Variants in RYR2 observed in about 807,000 individuals in gnomAD.
RYR2 encodes cardiac muscle ryanodine receptor-calcium release channel.
A neutral mutation model predicts 601.1 loss-of-function variants in RYR2; 227 were observed. The observed-to-expected ratio is 0.38, with a 90% CI of 0.34 to 0.42. The LOEUF (loss-of-function observed/expected upper bound fraction) is 0.42, where lower values mean the gene tolerates loss of function less well. Among genes scored for constraint, RYR2 ranks in the 10% least tolerant of loss-of-function variants. The pLI is 1.00. For missense variants in RYR2, 4,646 were observed against 6,156.5 expected, an observed-to-expected ratio of 0.75 and a Z score of 8.21; for synonymous variants, 2,223 against 2,175.1, an observed-to-expected ratio of 1.02 and a Z score of -0.61.
chr1:237,406,662 G>A (rs1703936866), intron 10 of RYR2, among the ~76,000 whole-genome samples: 1 of 151,732 alleles, frequency 6.6e-6, no homozygotes, highest in African/African-American at 2.4e-5. Context: ...TAATATATTT[G>A]TATTACTATA....
intron 1 of RYR2, among the ~76,000 whole-genome samples, chr1:237,083,204 G>T (rs1456407953): frequency 1.3e-5 from 2 of 152,132 alleles, no homozygotes; most frequent in African/African-American, 2.4e-5. Flanking sequence ...TGGCAGTTTG[G>T]TGCATGCTTT....
chr1:237,534,718 A>G (rs1025802856), intron 25 of RYR2, among the ~76,000 whole-genome samples: 1 of 152,006 alleles, frequency 6.6e-6, no homozygotes. Context: ...AAGATAACCC[A>G]TATTTCTTGA....
intron 75 of RYR2, 137 bp downstream of exon 75, chr1:237,726,445 G>A (rs1374117314): frequency 7.8e-6 from 5 of 639,156 alleles, no homozygotes; most frequent in Non-Finnish European, 1.4e-5. Flanking sequence ...TAACTTGCTT[G>A]CATCATTTAT....
chr1:237,832,699 C>T lies in RYR2; in HGVS notation c.*52C>T, dbSNP rs1558507397. On this transcript the variant is annotated 3_prime_UTR_variant, in exon 105 of 105. Transcript: ENST00000366574. The stretch of plus-strand genomic sequence containing the variant: ...CAAAACCCTACCCCTCTCTCTCCCT[C>T]TCTCAATTTCTCTGCTCTCTTGGAA... 1.0e-6 allele frequency: 1 copy of T among 984,886 alleles called. No individual in the cohort carries two copies. The allele number at this position is 984,886 out of a possible 1,614,324, so 61.0% of individuals were successfully genotyped here.
chr1:237,763,628 G>A lies in RYR2; in HGVS notation c.11476+2600G>A, dbSNP rs532099807. 3.4e-4 allele frequency among the ~76,000 whole-genome samples: 52 copies of A among 152,298 alleles called. 1 individual carries two copies. Among genetic ancestry groups the A allele is most frequent in the African/African-American group, 1.2e-3 (50 of 41,548 alleles). Reference sequence around the variant, plus strand: ...GTTTCTGAAAGACATTCTATGCAGTGGAAATAAGGGATGAGATTTTAGATA... The same window carrying A: ...GTTTCTGAAAGACATTCTATGCAGTAGAAATAAGGGATGAGATTTTAGATA... On this transcript the variant is annotated intron_variant, in intron 84 of 104. Transcript: ENST00000366574.
chr1:237,808,767 A>C, intron 99 of RYR2, 134 bp from the exon 100 acceptor site: 1 of 680,082 alleles, frequency 1.5e-6, no homozygotes, highest in Non-Finnish European at 2.5e-6. Flanking sequence ...GGTGAGAAAT[A>C]AGTTATGGAT....
chr1:237,785,214 T>G (rs1488905142), intron 90 of RYR2, among the ~76,000 whole-genome samples: 1 of 152,224 alleles, frequency 6.6e-6, no homozygotes, highest in Admixed American at 6.5e-5. Context: ...GCCTACATCT[T>G]TCTCCACGTT....
At chr1:237,143,020 C>T (rs1400078883) in intron 1 of RYR2, among the ~76,000 whole-genome samples, 1 of 152,152 alleles carries the variant, frequency 6.6e-6, no homozygotes, top group African/African-American at 2.4e-5. Flanking sequence ...AAAGAAGGTT[C>T]AGTAGTTCCT....
chr1:237,495,127 T>C (rs936741995), intron 19 of RYR2, among the ~76,000 whole-genome samples: 7 of 152,178 alleles, frequency 4.6e-5, no homozygotes, highest in African/African-American at 1.7e-4. Flanking sequence ...CATATATACT[T>C]ATTGCATATT....
At chr1:237,787,836 A>T in intron 91 of RYR2, 152 bp from the exon 92 acceptor site, 1 of 727,030 alleles carries the variant, frequency 1.4e-6, no homozygotes, top group East Asian at 2.7e-5. Context: ...CTGATTCTAA[A>T]ATTCAGAATA....
chr1:237,436,454 C>CTTTTTTTTTTTTTTTTT (rs551140501), intron 12 of RYR2, among the ~76,000 whole-genome samples: 748 of 48,680 alleles, frequency 0.015, 85 homozygotes, highest in African/African-American at 0.038. Flanking sequence ...TGTGATTTTC[C>CTTTTTTTTTTTTTTTTT]TTTTTTTTTT....
At chr1:237,349,248 A>G (rs1698553318) in intron 3 of RYR2, among the ~76,000 whole-genome samples, 4 of 152,206 alleles carry the variant, frequency 2.6e-5, no homozygotes, top group Admixed American at 2.6e-4. Flanking sequence ...TAAGACTGAT[A>G]CCTGATGACA....
At chr1:237,579,201 T>G (rs1673603964) in intron 29 of RYR2, among the ~76,000 whole-genome samples, 1 of 151,564 alleles carries the variant, frequency 6.6e-6, no homozygotes, top group South Asian at 2.1e-4. Context: ...TTTCTTTGCC[T>G]TGTGCTCTCT....
intron 58 of RYR2, among the ~76,000 whole-genome samples, chr1:237,670,717 G>A (rs1684852794): frequency 6.6e-6 from 1 of 152,068 alleles, no homozygotes; most frequent in African/African-American, 2.4e-5. Context: ...TATCCAAAAT[G>A]TTTGGAACCA....
In RYR2 at chr1:237,074,675, T is replaced by C. The variant is rs528514411; in HGVS notation, c.48+32106T>C. On this transcript the variant is annotated intron_variant, in intron 1 of 104. Transcript: ENST00000366574. ...TTCCAGTGCCACATCAGGGATGACT[T>C]ATGCAAACCCAAGATGGCCCTTTGG... 2.6e-5 allele frequency among the ~76,000 whole-genome samples: 4 copies of C among 152,336 alleles called. No individual in the cohort carries two copies. In the South Asian group the frequency reaches 8.3e-4, roughly 32 times the overall value.
intron 1 of RYR2, among the ~76,000 whole-genome samples, chr1:237,049,118 G>A (rs1660942173): frequency 1.3e-5 from 2 of 152,052 alleles, no homozygotes; most frequent in Non-Finnish European, 2.9e-5. Context: ...CAGTGGGAGG[G>A]GACACCCGGA....
intron 80 of RYR2, among the ~76,000 whole-genome samples, chr1:237,747,439 C>A (rs1034020521): frequency 6.6e-6 from 1 of 152,116 alleles, no homozygotes; most frequent in Non-Finnish European, 1.5e-5. Context: ...ATTGTCATAC[C>A]TGCTAACATA....
chr1:237,047,431 T>C (rs1052692356), intron 1 of RYR2, among the ~76,000 whole-genome samples: 6 of 148,824 alleles, frequency 4.0e-5, no homozygotes, highest in African/African-American at 1.5e-4. Context: ...TTACTCCTTC[T>C]GGTTTATCTT....
In RYR2 at chr1:237,631,942, G is replaced by C. The variant is rs144141578; in HGVS notation, c.6555+401G>C. On this transcript the variant is annotated intron_variant, in intron 42 of 104. Coordinates refer to ENST00000366574, the MANE Select transcript of RYR2 (RefSeq NM_001035.3). ...GCCACCGCGCCCAGCCCAGATTGTAGATTCTTAATGAGAATTTCTTAAATC... is the reference window on the plus strand; with the variant it reads ...GCCACCGCGCCCAGCCCAGATTGTACATTCTTAATGAGAATTTCTTAAATC... Among the ~76,000 whole-genome samples, 545 of 151,942 alleles carry C rather than the reference G, an allele frequency of 3.6e-3. 4 individuals are homozygous for C. The highest frequency in any genetic ancestry group is 0.013 in the African/African-American group (522 of 41,414).
Sources: allele counts gnomAD v4.1 joint callset (sites outside exome capture counted in the v4.1 genomes callset), GRCh38; gene constraint gnomAD v4.1.1; transcripts MANE v1.5; gene names NCBI Gene and HGNC (gene_info 2026-07-23, HGNC 2026-07-21).